Variants in RGS6 observed in about 807,000 individuals in gnomAD.
RGS6 encodes regulator of G-protein signaling 6.
Under a neutral mutation model 78.5 loss-of-function variants are expected in RGS6, and 30 were observed. That is an observed-to-expected ratio of 0.38 (90% CI 0.29 to 0.52). The LOEUF (loss-of-function observed/expected upper bound fraction) is 0.52, where lower values mean the gene tolerates loss of function less well. RGS6 is among the 20% of genes least tolerant of loss of function. The probability of loss-of-function intolerance (pLI) is 0.85; values close to 1 mark genes in which losing one functional copy is unlikely to be tolerated. For synonymous variants in RGS6, 206 were observed against 206.0 expected, an observed-to-expected ratio of 1.00 and a Z score of 0.00; for missense variants, 495 against 609.7, an observed-to-expected ratio of 0.81 and a Z score of 1.98.
At chr14:72,168,213 A>G (rs1473050757) in intron 2 of RGS6, among the ~76,000 whole-genome samples, 1 of 152,054 alleles carries the variant, frequency 6.6e-6, no homozygotes, top group Non-Finnish European at 1.5e-5. Context: ...TTCATGCAGC[A>G]CCTGGTGCAC....
chr14:72,167,523 T>C (rs1040690568), intron 2 of RGS6, among the ~76,000 whole-genome samples: 6 of 152,216 alleles, frequency 3.9e-5, no homozygotes, highest in Admixed American at 2.0e-4. Flanking sequence ...CTTTCCTCCA[T>C]ACCATCTGAA....
In RGS6 at chr14:72,562,425, G is replaced by T; in HGVS notation, c.1431G>T (p.Ser477=). The change falls in exon 18 of 18, where the codon TCG becomes TCT. Residue 477 remains serine (S), a synonymous_variant. Coordinates refer to ENST00000553525, the MANE Select transcript of RGS6 (RefSeq NM_001204424.2). ...LEKFTRSVGK[S]LAGKRLTGLM... ...TCGCTGTCTCTCTGCAGGGAAAGTC[G>T]CTGGCGGGCAAGCGCCTCACGGGCC... 2.5e-6 allele frequency: 4 copies of T among 1,612,812 alleles called. No individual in the cohort carries two copies. The South Asian group carries it at 4.4e-5, about 18-fold the overall frequency.
intron 2 of RGS6, among the ~76,000 whole-genome samples, chr14:72,203,599 T>G (rs895452816): frequency 5.3e-5 from 8 of 152,162 alleles, no homozygotes; most frequent in Non-Finnish European, 7.3e-5. Flanking sequence ...TCATGGCTGT[T>G]GGCTAGAGAC....
chr14:72,609,542 G>A, the RGS6 span, among the ~76,000 whole-genome samples: 6 of 152,188 alleles, frequency 3.9e-5, no homozygotes, highest in South Asian at 2.1e-4. Flanking sequence ...AGCTTGATAC[G>A]TTCCTTAGGC....
intron 2 of RGS6, among the ~76,000 whole-genome samples, chr14:72,076,107 C>T (rs958482022): frequency 1.3e-5 from 2 of 152,212 alleles, no homozygotes; most frequent in South Asian, 2.1e-4. Flanking sequence ...ATCTTTACAG[C>T]GTTTACATTT....
intron 2 of RGS6, among the ~76,000 whole-genome samples, chr14:72,283,678 G>T (rs1354193790): frequency 6.6e-6 from 1 of 152,136 alleles, no homozygotes; most frequent in Non-Finnish European, 1.5e-5. Context: ...AGTCTCAGGT[G>T]TGTCTTTATC....
At chr14:72,381,231 C>A (rs1258510464) in intron 3 of RGS6, among the ~76,000 whole-genome samples, 1 of 151,958 alleles carries the variant, frequency 6.6e-6, no homozygotes, top group African/African-American at 2.4e-5. Context: ...TTCTAGTGCT[C>A]TATAGCACTG....
intron 1 of RGS6, among the ~76,000 whole-genome samples, chr14:71,945,484 A>G (rs1165161774): frequency 6.6e-6 from 1 of 152,258 alleles, no homozygotes; most frequent in Admixed American, 6.5e-5. Flanking sequence ...GGTTTCTTCC[A>G]CAATGGTAAC....
At chr14:72,397,746 GT>G (rs567571067) in intron 3 of RGS6, among the ~76,000 whole-genome samples, 1 of 152,108 alleles carries the variant, frequency 6.6e-6, no homozygotes, top group African/African-American at 2.4e-5. Context: ...TTTATTGAGA[GT>G]TTTTTAGCAT....
At chr14:72,193,469 A>AC (rs1333773869) in intron 2 of RGS6, among the ~76,000 whole-genome samples, 1 of 152,030 alleles carries the variant, frequency 6.6e-6, no homozygotes, top group African/African-American at 2.4e-5. Context: ...CATTCATTCA[A>AC]CCCATATTTA....
Position 72,534,771 on chromosome 14 carries a change from G to A in RGS6, c.1279-1415G>A, listed in dbSNP as rs537908487. 4.6e-5 allele frequency among the ~76,000 whole-genome samples: 7 copies of A among 152,056 alleles called. No homozygotes were observed. The South Asian group carries it at 8.3e-4, about 18-fold the overall frequency. ...ATGGGAGGTCTGTGCCTCCTCCTTC[G>A]ATCCCTTCCCTGGAAAGAGCACCAA... On this transcript the variant is annotated intron_variant, in intron 15 of 17. Coordinates refer to ENST00000553525, the MANE Select transcript of RGS6 (RefSeq NM_001204424.2).
At chr14:72,110,131 C>T (rs2095720846) in intron 2 of RGS6, among the ~76,000 whole-genome samples, 1 of 152,208 alleles carries the variant, frequency 6.6e-6, no homozygotes, top group African/African-American at 2.4e-5. Flanking sequence ...ACACAACTAT[C>T]ACCATTCACC....
Position 72,470,050 on chromosome 14 carries a change from A to C in RGS6, c.503A>C (p.Glu168Ala), listed in dbSNP as rs1246391622. The change falls in exon 8 of 18, where the codon GAA becomes GCA. Residue 168 changes from glutamate (E) to alanine (A), a missense_variant. Glu to Ala is a moderately radical substitution (Grantham distance 107). Coordinates refer to ENST00000553525, the MANE Select transcript of RGS6 (RefSeq NM_001204424.2). The stretch of plus-strand genomic sequence containing the variant: ...CAGAGGGCCTTTGCGAGGAAGTGGG[A>C]ATTCATCTTTATGCAAGCAGAAGCA... ...RLQRAFARKW[E>A]FIFMQAEAQV... 2 of 1,613,434 alleles carry C rather than the reference A, an allele frequency of 1.2e-6. No homozygotes were observed. The highest frequency in any genetic ancestry group is 1.7e-6 in the Non-Finnish European group (2 of 1,179,774).
rs377588156 is a variant in RGS6, at chr14:72,555,134, G to GT, written c.1423-7282dup. On this transcript the variant is annotated intron_variant, in intron 17 of 17. Transcript: ENST00000553525. ...TAAAGTGGGGTTGGTTTTCATTAGA[G>GT]TAAGGCCACCCTGCCTGCCCCACCT... 9.5e-4 allele frequency among the ~76,000 whole-genome samples: 145 copies of GT among 152,336 alleles called. 3 individuals are homozygous for GT. The highest frequency in any genetic ancestry group is 3.5e-3 in the African/African-American group (144 of 41,572).
At position 72,541,501 on chromosome 14, in the gene RGS6, G is replaced by GT; in HGVS notation, c.1422+1407_1422+1408insT. ...CAGAACACAAGGCCTGCGGGTGCCT[G>GT]GTCTATCTTCATGGCTGCTTTGCCA... is the stretch of plus-strand genomic sequence containing the variant. On this transcript the variant is annotated intron_variant, in intron 17 of 17. Transcript: ENST00000553525. 2.0e-6 allele frequency: 3 copies of GT among 1,535,706 alleles called. No individual in the cohort carries two copies. The South Asian group carries it at 3.6e-5, about 18-fold the overall frequency.
chr14:72,114,299 T>A (rs1237025611), intron 2 of RGS6, among the ~76,000 whole-genome samples: 2 of 152,154 alleles, frequency 1.3e-5, no homozygotes, highest in African/African-American at 4.8e-5. Context: ...TGCAGGCGGG[T>A]CTATAGATCC....
chr14:72,166,272 T>A (rs1208630301), intron 2 of RGS6, among the ~76,000 whole-genome samples: 2 of 152,184 alleles, frequency 1.3e-5, no homozygotes, highest in Non-Finnish European at 2.9e-5. Context: ...GTCTTATTTT[T>A]AAAAATATAT....
chr14:72,444,345 G>A (rs891572089), intron 3 of RGS6, among the ~76,000 whole-genome samples: 1 of 152,086 alleles, frequency 6.6e-6, no homozygotes, highest in African/African-American at 2.4e-5. Flanking sequence ...TCAGAGAATG[G>A]GGAAGTGCAC....
chr14:72,071,331 T>G (rs1036798272), intron 2 of RGS6, among the ~76,000 whole-genome samples: 1 of 152,226 alleles, frequency 6.6e-6, no homozygotes, highest in Non-Finnish European at 1.5e-5. Context: ...TTTTTGCTAT[T>G]GGAGTTTTCC....
Sources: allele counts gnomAD v4.1 joint callset (sites outside exome capture counted in the v4.1 genomes callset), GRCh38; gene constraint gnomAD v4.1.1; transcripts MANE v1.5; gene names NCBI Gene and HGNC (gene_info 2026-07-23, HGNC 2026-07-21).